Variants in MYCBP2 observed in about 807,000 individuals in gnomAD.
MYCBP2 encodes E3 ubiquitin-protein ligase MYCBP2.
MYCBP2 carries 120 observed loss-of-function variants against 525.3 expected under a neutral mutation model. That is an observed-to-expected ratio of 0.23 (90% CI 0.20 to 0.27). MYCBP2 has a LOEUF of 0.27. Ranked by LOEUF, MYCBP2 falls within the 10% of genes least tolerant of loss-of-function variation. The probability of loss-of-function intolerance (pLI) is 1.00; values close to 1 mark genes in which losing one functional copy is unlikely to be tolerated. For missense variants in MYCBP2, 4,149 were observed against 5,657.1 expected, an observed-to-expected ratio of 0.73 and a Z score of 8.55; for synonymous variants, 1,894 against 1,955.8, an observed-to-expected ratio of 0.97 and a Z score of 0.83.
In MYCBP2 at chr13:77,166,548, A is replaced by G. The variant is rs2154215642; in HGVS notation, c.6121T>C (p.Phe2041Leu). 6.2e-7 allele frequency: 1 copy of G among 1,610,708 alleles called. No individual in the cohort carries two copies. Among genetic ancestry groups the G allele is most frequent in the East Asian group, 2.2e-5 (1 of 44,826 alleles). The change falls in exon 41 of 83, where the codon TTC becomes CTC. Residue 2041 changes from phenylalanine to leucine, a missense_variant. Around this residue, in one of 21 missense-constraint regions of MYCBP2, gnomAD observed 692 missense variants for 852.7 expected, o/e 0.81. Transcript: ENST00000544440. The part of the protein sequence containing the change: ...PACVMHYKVT[F>L]PECVRWMTIE... Reference sequence around the variant, plus strand: ...GTCATCCACCTCACACATTCTGGGAATGTCACCTGAGGTCAACAGGCAAAG... The same window carrying G: ...GTCATCCACCTCACACATTCTGGGAGTGTCACCTGAGGTCAACAGGCAAAG...
At chr13:77,115,657 A>G (rs1052662211) in intron 55 of MYCBP2, among the ~76,000 whole-genome samples, 3 of 151,700 alleles carry the variant, frequency 2.0e-5, no homozygotes, top group Non-Finnish European at 3.0e-5. Context: ...TCAAATTTCC[A>G]AAGATAGGTG....
chr13:77,128,740 T>C (rs1594773194), intron 52 of MYCBP2, among the ~76,000 whole-genome samples: 1 of 151,954 alleles, frequency 6.6e-6, no homozygotes, highest in African/African-American at 2.4e-5. Flanking sequence ...ACCAGCATAT[T>C]AAATTCATGA....
chr13:77,098,606 G>A lies in MYCBP2; in HGVS notation c.8548C>T (p.Leu2850=). 6.2e-7 allele frequency: 1 copy of A among 1,613,684 alleles called. No individual in the cohort carries two copies. Among genetic ancestry groups the A allele is most frequent in the Non-Finnish European group, 8.5e-7 (1 of 1,179,786 alleles). Residue 2850 remains leucine (L), a synonymous_variant, in exon 56 of 83, where the codon CTA becomes TTA. Coordinates refer to ENST00000544440, the MANE Select transcript of MYCBP2 (RefSeq NM_015057.5). ...PRSSSPHDKN[L]PQKSTAPVKT... ...ACAGGAGCAGTACTTTTTTGAGGTA[G>A]ATTTTTATCATGTGGTGAGGAGGAG...
At chr13:77,264,049 T>A in intron 8 of MYCBP2, 47 bp from the exon 9 acceptor site, 1 of 1,511,274 alleles carries the variant, frequency 6.6e-7, no homozygotes, top group Non-Finnish European at 9.1e-7. Flanking sequence ...GCAAACACCT[T>A]GCAAAATGAA....
chr13:77,271,141 C>A (rs568805605), intron 5 of MYCBP2, among the ~76,000 whole-genome samples: 2 of 152,166 alleles, frequency 1.3e-5, no homozygotes, highest in East Asian at 3.9e-4. Flanking sequence ...TATATTCATA[C>A]ACATACACAT....
At chr13:77,312,179 C>T (rs139292704) in intron 1 of MYCBP2, among the ~76,000 whole-genome samples, 1 of 152,116 alleles carries the variant, frequency 6.6e-6, no homozygotes, top group African/African-American at 2.4e-5. Context: ...AAAATAAATA[C>T]ATTCTCAAAG....
Position 77,098,118 on chromosome 13 carries a change from T to C in MYCBP2, c.9036A>G (p.Gly3012=). ...EKSSFLFKGD[G]SKPLEPAKQA... ...GCTTGGCTGGCTCTAAAGGCTTGGA[T>C]CCATCTCCTTTGAAAAGAAAACTCG... Residue 3012 remains glycine, a synonymous_variant, in exon 56 of 83, where the codon GGA becomes GGG. Coordinates refer to ENST00000544440, the MANE Select transcript of MYCBP2 (RefSeq NM_015057.5). 2 of 1,613,600 alleles carry C rather than the reference T, an allele frequency of 1.2e-6. No homozygotes were observed. The highest frequency in any genetic ancestry group is 2.2e-5 in the South Asian group (2 of 91,054).
rs200219506 is a variant in MYCBP2, at chr13:77,125,400, A to C, written c.7953T>G (p.Asp2651Glu). The change falls in exon 54 of 83, where the codon GAT becomes GAG. Residue 2651 changes from aspartate to glutamate, a missense_variant. Transcript: ENST00000544440. ...QNSMVEFCES[D>E]EGEAWSLARD... ...TAGCTAAGGACCATGCCTCTCCTTC[A>C]TCACTCTCACAGAACTCTACCATGC... The C allele has an allele frequency of 3.1e-6, 5 of 1,614,016 alleles. No individual in the cohort carries two copies. Among genetic ancestry groups the C allele is most frequent in the Non-Finnish European group, 4.2e-6 (5 of 1,179,890 alleles).
At chr13:77,053,331 TTAAG>T (rs1566286734) in intron 80 of MYCBP2, among the ~76,000 whole-genome samples, 1 of 152,086 alleles carries the variant, frequency 6.6e-6, no homozygotes, top group Non-Finnish European at 1.5e-5. Flanking sequence ...TGGGCAGAGA[TTAAG>T]TGAGGCCAAG....
intron 45 of MYCBP2, 28 bp from the exon 46 acceptor site, chr13:77,156,230 A>C: frequency 6.2e-7 from 1 of 1,601,810 alleles, no homozygotes; most frequent in South Asian, 1.1e-5. Context: ...CAAATAAACA[A>C]AACCCCAAAC....
At chr13:77,126,805 A>G in intron 52 of MYCBP2, among the ~76,000 whole-genome samples, 1 of 152,122 alleles carries the variant, frequency 6.6e-6, no homozygotes, top group East Asian at 1.9e-4. Context: ...ATAATTTGAG[A>G]AATATAATCA....
At chr13:77,122,437 T>C (rs1187253315) in intron 54 of MYCBP2, among the ~76,000 whole-genome samples, 1 of 152,108 alleles carries the variant, frequency 6.6e-6, no homozygotes, top group East Asian at 1.9e-4. Context: ...CGCGGTGGCT[T>C]ACGCTTGTAA....
At chr13:77,160,308 G>A (rs980945888) in intron 44 of MYCBP2, among the ~76,000 whole-genome samples, 1 of 152,194 alleles carries the variant, frequency 6.6e-6, no homozygotes, top group South Asian at 2.1e-4. Context: ...CTGTATGATC[G>A]TGGGCGAACT....
intron 17 of MYCBP2, among the ~76,000 whole-genome samples, chr13:77,234,097 TAATAA>T (rs1254661729): frequency 3.9e-5 from 6 of 152,118 alleles, no homozygotes; most frequent in South Asian, 2.1e-4. Context: ...AAATTTATTT[TAATAA>T]AATAAAATAA....
intron 14 of MYCBP2, among the ~76,000 whole-genome samples, chr13:77,254,216 T>C (rs999071071): frequency 1.3e-5 from 2 of 151,912 alleles, no homozygotes; most frequent in Non-Finnish European, 2.9e-5. Flanking sequence ...TTATGCAATA[T>C]TATTTTACAC....
chr13:77,091,948 GA>G (rs1285249707), intron 59 of MYCBP2, among the ~76,000 whole-genome samples: 1 of 151,926 alleles, frequency 6.6e-6, no homozygotes, highest in Non-Finnish European at 1.5e-5. Context: ...ATCTCCTTTA[GA>G]AATACTTTAT....
chr13:77,249,135 GT>G (rs1316455785), intron 15 of MYCBP2, among the ~76,000 whole-genome samples: 2 of 152,178 alleles, frequency 1.3e-5, no homozygotes, highest in Non-Finnish European at 2.9e-5. Context: ...AGGAGTCATT[GT>G]TTAACAGTTA....
At chr13:77,168,769 T>A in intron 39 of MYCBP2, 123 bp from the exon 40 acceptor site, 1 of 794,374 alleles carries the variant, frequency 1.3e-6, no homozygotes, top group Non-Finnish European at 2.0e-6. Flanking sequence ...ACTAGTTAAG[T>A]TTTTGTCCAA....
intron 3 of MYCBP2, among the ~76,000 whole-genome samples, chr13:77,284,982 G>A (rs949922273): frequency 6.6e-6 from 1 of 152,116 alleles, no homozygotes; most frequent in African/African-American, 2.4e-5. Context: ...TTTGCAGACA[G>A]GTCAGTACTT....
Sources: gnomAD v4.1 joint callset for allele counts (sites outside exome capture counted in the v4.1 genomes callset) on GRCh38, gnomAD v4.1.1 for gene constraint, gnomAD v4.1.1 regional missense constraint, MANE v1.5 for transcripts, NCBI Gene and HGNC (gene_info 2026-07-23, HGNC 2026-07-21) for gene names.